PTPRM: variants seen among roughly 807,000 people sequenced by gnomAD.
The protein encoded by PTPRM is receptor-type tyrosine-protein phosphatase mu.
A neutral mutation model predicts 186.7 loss-of-function variants in PTPRM; 47 were observed. The observed-to-expected ratio is 0.25, with a 90% confidence interval of 0.20 to 0.32. The LOEUF is 0.32. PTPRM is among the 10% of genes least tolerant of loss of function. The pLI is 1.00. For synonymous variants in PTPRM, 668 were observed against 674.9 expected (o/e 0.99, Z 0.16); for missense variants, 1,494 against 1,865.0 (o/e 0.80, Z 3.66).
At chr18:8,375,001 A>G (rs2095686195) in intron 24 of PTPRM, among the ~76,000 whole-genome samples, 1 of 152,232 alleles carries the variant, frequency 6.6e-6, no homozygotes, top group African/African-American at 2.4e-5. Context: ...GAAGGAAGAA[A>G]GTCTAATTTG....
At chr18:7,731,189 G>C (rs1204097704) in intron 1 of PTPRM, among the ~76,000 whole-genome samples, 1 of 152,150 alleles carries the variant, frequency 6.6e-6, no homozygotes, top group South Asian at 2.1e-4. Flanking sequence ...ATCAATTTAA[G>C]ATTTTGAAAC....
chr18:7,764,195 A>G (rs2041915838), intron 1 of PTPRM, among the ~76,000 whole-genome samples: 1 of 152,186 alleles, frequency 6.6e-6, no homozygotes, highest in Admixed American at 6.5e-5. Flanking sequence ...TAATCTCTGA[A>G]TCACTTTCTT....
chr18:7,785,662 A>G (rs537768145), intron 2 of PTPRM, among the ~76,000 whole-genome samples: 16 of 152,326 alleles, frequency 1.1e-4, no homozygotes, highest in East Asian at 1.9e-4. Flanking sequence ...GCAAAATGCT[A>G]TTCCATCAAA....
chr18:8,295,646 T>G (rs1370567350), intron 19 of PTPRM, among the ~76,000 whole-genome samples: 1 of 152,042 alleles, frequency 6.6e-6, no homozygotes, highest in Non-Finnish European at 1.5e-5. Flanking sequence ...TCCCATAACC[T>G]CCTCACATAG....
At chr18:7,753,388 G>T (rs1420796621) in intron 1 of PTPRM, among the ~76,000 whole-genome samples, 3 of 152,100 alleles carry the variant, frequency 2.0e-5, no homozygotes, top group Non-Finnish European at 2.9e-5. Context: ...CGTGTTTTAA[G>T]AGTGAAAGAA....
Position 7,616,079 on chromosome 18 carries a change from G to A in PTPRM, c.73+48188G>A, listed in dbSNP as rs185046771. On this transcript the variant is annotated intron_variant, in intron 1 of 32. Transcript: ENST00000580170. ...TGTGCCGCTAGGTTCCTGACAGGCCGTGACTGGTAGCAGTCCATGGCCTGT... is the reference window on the plus strand; with the variant it reads ...TGTGCCGCTAGGTTCCTGACAGGCCATGACTGGTAGCAGTCCATGGCCTGT... 2.5e-3 allele frequency among the ~76,000 whole-genome samples: 375 copies of A among 152,260 alleles called. 2 individuals are homozygous for A. Among genetic ancestry groups the A allele is most frequent in the African/African-American group, 8.6e-3 (359 of 41,558 alleles).
chr18:7,906,443 G>T, intron 3 of PTPRM, 62 bp from the exon 4 acceptor site: 1 of 1,242,524 alleles, frequency 8.0e-7, no homozygotes, highest in East Asian at 2.3e-5. Flanking sequence ...TTATATATAG[G>T]AGATACTTGG....
chr18:8,235,476 T>TTTTTTTTTTTTTTTTTTTTTTTTTTTG (rs1481569126), intron 14 of PTPRM, among the ~76,000 whole-genome samples: 1 of 136,770 alleles, frequency 7.3e-6, no homozygotes, highest in African/African-American at 2.7e-5. Context: ...TTTTTTTTTT[T>TTTTTTTTTTTTTTTTTTTTTTTTTTTG]TTTAGCCTGG....
chr18:7,817,124 G>T (rs1218772915), intron 2 of PTPRM, among the ~76,000 whole-genome samples: 1 of 152,058 alleles, frequency 6.6e-6, no homozygotes, highest in East Asian at 1.9e-4. Context: ...ACAGACATGT[G>T]CCACTATGCC....
chr18:8,371,757 T>C (rs1188306613), intron 24 of PTPRM: 2 of 152,588 alleles, frequency 1.3e-5, no homozygotes, highest in African/African-American at 2.4e-5. Flanking sequence ...TCTGCTGACA[T>C]AGGGAGGGGC....
intron 1 of PTPRM, among the ~76,000 whole-genome samples, chr18:7,602,705 G>A (rs2037433012): frequency 6.6e-6 from 1 of 151,026 alleles, no homozygotes; most frequent in South Asian, 2.1e-4. Flanking sequence ...TGTTAAATAG[G>A]ACTATTGTTT....
chr18:7,842,943 TATATAG>T (rs1347533069), intron 2 of PTPRM, among the ~76,000 whole-genome samples: 54 of 119,838 alleles, frequency 4.5e-4, no homozygotes, highest in Admixed American at 8.4e-4. Flanking sequence ...TATATATATA[TATATAG>T]AGAGAGAGAG....
At chr18:7,890,450 A>G (rs2049013440) in intron 3 of PTPRM, among the ~76,000 whole-genome samples, 1 of 152,090 alleles carries the variant, frequency 6.6e-6, no homozygotes, top group South Asian at 2.1e-4. Flanking sequence ...TTTCTTGCTT[A>G]ATTTATCTTT....
intron 11 of PTPRM, among the ~76,000 whole-genome samples, chr18:8,089,156 G>C (rs896070630): frequency 1.3e-5 from 2 of 152,126 alleles, no homozygotes; most frequent in African/African-American, 4.8e-5. Context: ...GATGCAATTT[G>C]GTTACCCAAG....
At chr18:8,324,497 A>G (rs1264879146) in intron 22 of PTPRM, among the ~76,000 whole-genome samples, 1 of 152,268 alleles carries the variant, frequency 6.6e-6, no homozygotes, top group Non-Finnish European at 1.5e-5. Context: ...TTGTAAAAGC[A>G]GGATGTAGTA....
chr18:7,682,478 T>C (rs1007233649), intron 1 of PTPRM, among the ~76,000 whole-genome samples: 20 of 152,218 alleles, frequency 1.3e-4, no homozygotes, highest in Non-Finnish European at 7.3e-5. Flanking sequence ...TCCCTGACTT[T>C]TATTAGGTTA....
chr18:7,946,457 C>T (rs921118010), intron 5 of PTPRM, among the ~76,000 whole-genome samples: 3 of 152,036 alleles, frequency 2.0e-5, no homozygotes, highest in Non-Finnish European at 4.4e-5. Flanking sequence ...CCTTCAAAAA[C>T]CAGAGATGTG....
intron 2 of PTPRM, among the ~76,000 whole-genome samples, chr18:7,824,152 C>A (rs1276675006): frequency 6.6e-6 from 1 of 152,208 alleles, no homozygotes; most frequent in African/African-American, 2.4e-5. Context: ...TGTGGTCTCC[C>A]TTTCTAGTAC....
intron 13 of PTPRM, among the ~76,000 whole-genome samples, chr18:8,131,588 A>G (rs2092509192): frequency 1.3e-5 from 2 of 152,184 alleles, no homozygotes; most frequent in African/African-American, 2.4e-5. Context: ...AGTTTAGATG[A>G]GGATGCCTTT....
Sources: allele counts gnomAD v4.1 joint callset (sites outside exome capture counted in the v4.1 genomes callset), GRCh38; gene constraint gnomAD v4.1.1; transcripts MANE v1.5; gene names NCBI Gene and HGNC (gene_info 2026-07-23, HGNC 2026-07-21).